NLRP12: variants seen among roughly 807,000 people sequenced by gnomAD.
The protein encoded by NLRP12 is NLR family pyrin domain containing 12, also known as NACHT, LRR and PYD domains-containing protein 12.
A neutral mutation model predicts 91.2 loss-of-function variants in NLRP12; 108 were observed. That is an observed-to-expected ratio of 1.18 (90% confidence interval 1.01 to 1.39). The LOEUF (loss-of-function observed/expected upper bound fraction) is 1.39, where lower values mean the gene tolerates loss of function less well. NLRP12 is among the 40% of genes most tolerant of loss of function. The pLI is 0.00. For synonymous variants in NLRP12, 613 were observed against 566.7 expected (o/e 1.08, Z -1.16); for missense variants, 1,530 against 1,352.7 (o/e 1.13, Z -2.06).
intron 1 of NLRP12, among the ~76,000 whole-genome samples, chr19:53,821,409 C>T (rs2092263572): frequency 6.6e-6 from 1 of 151,932 alleles, no homozygotes; most frequent in Non-Finnish European, 1.5e-5. Flanking sequence ...TGGCTCACAC[C>T]TGTAATCACA....
chr19:53,805,274 A>T lies in NLRP12; in HGVS notation c.2414+6T>A, dbSNP rs2091938856. ...TAAGAAGTTGCTCCCGGGGATAGAG[A>T]CTCACTGAATCATCTGCAGCCTGCA... On this transcript the variant is annotated splice_donor_region_variant and intron_variant, in intron 5 of 9. Transcript: ENST00000324134. 1 of 1,613,560 alleles carries T rather than the reference A, an allele frequency of 6.2e-7. No homozygotes were observed. Among genetic ancestry groups the T allele is most frequent in the Non-Finnish European group, 8.5e-7 (1 of 1,179,692 alleles).
chr19:53,814,092 G>A (rs1217184975), intron 2 of NLRP12, among the ~76,000 whole-genome samples: 1 of 152,122 alleles, frequency 6.6e-6, no homozygotes, highest in African/African-American at 2.4e-5. Flanking sequence ...CTACCCAGCA[G>A]ACTGTACCCC....
intron 6 of NLRP12, among the ~76,000 whole-genome samples, chr19:53,803,478 C>A (rs1446766455): frequency 1.3e-5 from 2 of 151,712 alleles, no homozygotes; most frequent in Non-Finnish European, 2.9e-5. Flanking sequence ...CCGCACCCGG[C>A]CCATCTCTGG....
chr19:53,805,123 C>T (rs948413992), intron 5 of NLRP12, among the ~76,000 whole-genome samples, 157 bp downstream of exon 5: 1 of 152,144 alleles, frequency 6.6e-6, no homozygotes, highest in African/African-American at 2.4e-5. Flanking sequence ...GCAGGTCTTC[C>T]AAAGTGCCTA....
At chr19:53,799,059 C>G (rs1481187871) in intron 7 of NLRP12, among the ~76,000 whole-genome samples, 1 of 138,700 alleles carries the variant, frequency 7.2e-6, no homozygotes, top group East Asian at 2.2e-4. Flanking sequence ...GTCGCCCAGG[C>G]TGGAGTGCAG....
At chr19:53,822,252 A>G (rs1336568377) in intron 1 of NLRP12, among the ~76,000 whole-genome samples, 2 of 152,146 alleles carry the variant, frequency 1.3e-5, no homozygotes, top group Admixed American at 6.6e-5. Context: ...AAATTTTTAT[A>G]TAGATATAGA....
intron 1 of NLRP12, among the ~76,000 whole-genome samples, chr19:53,817,318 T>A (rs983005398): frequency 6.6e-6 from 1 of 152,036 alleles, no homozygotes; most frequent in Non-Finnish European, 1.5e-5. Context: ...TAATCCCAGC[T>A]ACTCGGGAGG....
At chr19:53,820,951 T>C (rs929066949) in intron 1 of NLRP12, among the ~76,000 whole-genome samples, 33 of 151,972 alleles carry the variant, frequency 2.2e-4, no homozygotes, top group African/African-American at 7.7e-4. Flanking sequence ...GCTGAGCACT[T>C]GCTACCTGCT....
chr19:53,796,087 G>A, intron 8 of NLRP12, 58 bp from the exon 9 acceptor site: 4 of 1,528,844 alleles, frequency 2.6e-6, no homozygotes, highest in Admixed American at 1.7e-5. Flanking sequence ...GTTATTCGGA[G>A]GCAGTGTCTC....
intron 7 of NLRP12, among the ~76,000 whole-genome samples, chr19:53,800,506 CAA>C (rs1416385231): frequency 2.0e-5 from 3 of 151,670 alleles, no homozygotes; most frequent in Non-Finnish European, 4.4e-5. Flanking sequence ...CTTCTCCAGG[CAA>C]AGAGGGGACA....
rs1047473746 is a variant in NLRP12, at chr19:53,798,018, C to A, written c.2927+225G>T. ...CCAAAGTGCTGGGATTACAGGCATG[C>A]GCCATCGCGCCTGGCCTTAAGTTTT... On this transcript the variant is annotated intron_variant, in intron 8 of 9. Coordinates refer to ENST00000324134, the MANE Select transcript of NLRP12 (RefSeq NM_144687.4). 3.3e-5 allele frequency among the ~76,000 whole-genome samples: 5 copies of A among 152,308 alleles called. No homozygotes were observed. In the South Asian group the frequency reaches 1.0e-3, roughly 32 times the overall value.
In NLRP12 at chr19:53,809,625, C is replaced by T. The variant is rs1480988371; in HGVS notation, c.2034G>A (p.Ala678=). The T allele has an allele frequency of 9.3e-6, 15 of 1,613,478 alleles. 1 individual carries two copies. The highest frequency in any genetic ancestry group is 8.9e-5 in the East Asian group (4 of 44,886). ...ATYSADGEDR[A]RCSAGAHTLL... ...GCGTGTGCGCTCCTGCGGAGCACCT[C>T]GCGCGGTCTTCCCCGTCCGCGCTGT... The change falls in exon 3 of 10, where the codon GCG becomes GCA. Residue 678 remains alanine, a synonymous_variant. Transcript: ENST00000324134.
rs2122680445 is a variant in NLRP12, at chr19:53,811,032, T to C, written c.627A>G (p.Pro209=). ...LFEPDEERPE[P]PRTVVMQGAA... is the part of the protein sequence containing the mutation. ...CGCCTTGCATGACCACGGTGCGCGGTGGCTCGGGGCGCTCCTCGTCTGGCT... is the reference window on the plus strand; with the variant it reads ...CGCCTTGCATGACCACGGTGCGCGGCGGCTCGGGGCGCTCCTCGTCTGGCT... The change falls in exon 3 of 10, where the codon CCA becomes CCG. Residue 209 remains proline (P), a synonymous_variant. Coordinates refer to ENST00000324134, the MANE Select transcript of NLRP12 (RefSeq NM_144687.4). 6.2e-7 allele frequency: 1 copy of C among 1,612,992 alleles called. No individual in the cohort carries two copies. The highest frequency in any genetic ancestry group is 8.5e-7 in the Non-Finnish European group (1 of 1,179,076).
intron 4 of NLRP12, 138 bp downstream of exon 4, chr19:53,807,357 G>A (rs1204857374): frequency 2.1e-5 from 17 of 819,418 alleles, no homozygotes; most frequent in Admixed American, 7.2e-5. Context: ...CGTGAGCCAC[G>A]GCACCTGGCT....
At chr19:53,816,383 C>CG (rs1248015086) in intron 1 of NLRP12, among the ~76,000 whole-genome samples, 2 of 152,018 alleles carry the variant, frequency 1.3e-5, no homozygotes, top group Non-Finnish European at 2.9e-5. Flanking sequence ...CCCGCCCCCC[C>CG]CAACAGTCTC....
intron 9 of NLRP12, among the ~76,000 whole-genome samples, 188 bp from the exon 10 acceptor site, chr19:53,794,324 A>G (rs1039516718): frequency 6.9e-6 from 1 of 145,750 alleles, no homozygotes; most frequent in African/African-American, 2.5e-5. Flanking sequence ...TAACTGCATA[A>G]TTTTTTTTTT....
chr19:53,821,957 A>G (rs1253230859), intron 1 of NLRP12, among the ~76,000 whole-genome samples: 3 of 152,212 alleles, frequency 2.0e-5, no homozygotes, highest in East Asian at 1.9e-4. Flanking sequence ...TTGCAGTAAC[A>G]TGGACGCAGC....
chr19:53,809,924 G>T lies in NLRP12; in HGVS notation c.1735C>A (p.Leu579Ile), dbSNP rs767474846. Residue 579 changes from leucine to isoleucine, a missense_variant, in exon 3 of 10, where the codon CTC (leucine) becomes ATC (isoleucine). By Grantham distance (5) the Leu-to-Ile change is conservative. Transcript: ENST00000324134. ...EETRSHLEKS[L>I]CWKVSPHIKM... ...ATGTGCGGCGAGACCTTCCAGCAGA[G>T]ACTCTTCTCCAGGTGGCTCCTGGTC... 22 of 1,614,098 alleles carry T rather than the reference G, an allele frequency of 1.4e-5. No homozygotes were observed. Among genetic ancestry groups the T allele is most frequent in the Non-Finnish European group, 1.9e-5 (22 of 1,180,036 alleles).
intron 1 of NLRP12, among the ~76,000 whole-genome samples, chr19:53,819,457 A>ATATATG (rs2092220405): frequency 2.2e-4 from 1 of 4,600 alleles, no homozygotes; most frequent in South Asian, 7.0e-3. Context: ...ATATATATAT[A>ATATATG]TGTGTGTGTG....
Sources: allele counts gnomAD v4.1 joint callset (sites outside exome capture counted in the v4.1 genomes callset), GRCh38; gene constraint gnomAD v4.1.1; transcripts MANE v1.5; gene names NCBI Gene and HGNC (gene_info 2026-07-23, HGNC 2026-07-21).